TEKT5: variants seen among roughly 807,000 people sequenced by gnomAD.
TEKT5 encodes tektin 5.
A neutral mutation model predicts 48.7 loss-of-function variants in TEKT5; 52 were observed. That is an observed-to-expected ratio of 1.07 (90% CI 0.86 to 1.35). The LOEUF (loss-of-function observed/expected upper bound fraction) is 1.35. Among genes scored for constraint, TEKT5 ranks in the 40% most tolerant of loss-of-function variants. TEKT5 has a pLI of 0.00. For synonymous variants in TEKT5, 318 were observed against 267.6 expected (o/e 1.19, Z -1.84); for missense variants, 831 against 641.6 (o/e 1.30, Z -3.19).
At chr16:10,677,987 T>A (rs1266403677) in intron 4 of TEKT5, among the ~76,000 whole-genome samples, 4 of 152,172 alleles carry the variant, frequency 2.6e-5, no homozygotes, top group Non-Finnish European at 5.9e-5. Context: ...TTAGAGGTGG[T>A]GACACATGAG....
chr16:10,657,119 CTTT>C (rs57742183), intron 5 of TEKT5, among the ~76,000 whole-genome samples: 2 of 135,476 alleles, frequency 1.5e-5, no homozygotes, highest in Middle Eastern at 3.9e-3. Context: ...TTAGGTCTGC[CTTT>C]TTTTTTTTTT....
intron 5 of TEKT5, among the ~76,000 whole-genome samples, chr16:10,637,007 A>C (rs1199401955): frequency 1.6e-5 from 2 of 126,712 alleles, no homozygotes; most frequent in African/African-American, 6.6e-5. Flanking sequence ...TTTTTGACGG[A>C]GTCTCGCTCT....
At chr16:10,694,242 G>C in intron 1 of TEKT5, 68 bp downstream of exon 1, 1 of 1,470,286 alleles carries the variant, frequency 6.8e-7, no homozygotes, top group Non-Finnish European at 9.1e-7. Context: ...CTTCAGTCAA[G>C]GGAAGCAGAA....
In TEKT5 at chr16:10,652,864, CA is replaced by C. The variant is rs1567228465; in HGVS notation, c.1087-16947del. Among the ~76,000 whole-genome samples, 212 of 147,270 alleles carry C rather than the reference CA, an allele frequency of 1.4e-3. 4 individuals carry two copies. The highest frequency in any genetic ancestry group is 3.6e-3 in the Middle Eastern group (1 of 276). On this transcript the variant is annotated intron_variant, in intron 5 of 6. Transcript: ENST00000283025. ...ACACACACACACACACACACACACA[CA>C]CACACCCTCCAGGTCAGGTAGAGCG...
chr16:10,688,375 G>A (rs1052662236), intron 3 of TEKT5, among the ~76,000 whole-genome samples: 1 of 152,230 alleles, frequency 6.6e-6, no homozygotes, highest in African/African-American at 2.4e-5. Flanking sequence ...AGAGGAGGAG[G>A]TGGGTTCTGG....
chr16:10,665,893 T>C (rs912542966), intron 5 of TEKT5, among the ~76,000 whole-genome samples: 2 of 152,168 alleles, frequency 1.3e-5, no homozygotes, highest in African/African-American at 2.4e-5. Context: ...AACCCACAGA[T>C]AGCAGAGCCT....
At chr16:10,674,617 G>GAAAAAA (rs57583870) in intron 5 of TEKT5, among the ~76,000 whole-genome samples, 11 of 74,744 alleles carry the variant, frequency 1.5e-4, no homozygotes, top group African/African-American at 4.1e-4. Context: ...GATCATCTCA[G>GAAAAAA]AAAAAAAAAA....
intron 5 of TEKT5, among the ~76,000 whole-genome samples, chr16:10,641,542 T>G (rs1245506378): frequency 1.3e-5 from 2 of 152,188 alleles, no homozygotes; most frequent in East Asian, 3.9e-4. Context: ...CATAGAGGCC[T>G]GGCGTGGTAG....
intron 5 of TEKT5, among the ~76,000 whole-genome samples, chr16:10,636,593 C>T (rs1218648772): frequency 6.6e-6 from 1 of 151,524 alleles, no homozygotes; most frequent in African/African-American, 2.4e-5. Context: ...GAAGGCAGGC[C>T]TTTCAGATTG....
intron 2 of TEKT5, 74 bp downstream of exon 2, chr16:10,689,868 G>C: frequency 7.0e-7 from 1 of 1,434,826 alleles, no homozygotes; most frequent in Non-Finnish European, 9.7e-7. Context: ...CTGACAGGTA[G>C]CTCAGTAATT....
chr16:10,641,821 A>C (rs1441735776), intron 5 of TEKT5, among the ~76,000 whole-genome samples: 3 of 152,194 alleles, frequency 2.0e-5, no homozygotes, highest in Non-Finnish European at 2.9e-5. Flanking sequence ...GACACTGTCT[A>C]ATAAATAAAT....
chr16:10,690,199 A>G, intron 1 of TEKT5, 174 bp from the exon 2 acceptor site: 1 of 636,726 alleles, frequency 1.6e-6, no homozygotes, highest in South Asian at 2.0e-5. Context: ...TTCTCCCCGG[A>G]TGAGAGCTGT....
chr16:10,690,882 G>A lies in TEKT5; in HGVS notation c.565-857C>T, dbSNP rs1898961484. The A allele has an allele frequency of 3.6e-5, 27 of 742,190 alleles. No individual in the cohort carries two copies. The South Asian group carries it at 1.5e-3, about 42-fold the overall frequency. The allele number at this position is 742,190 out of a possible 1,614,324, so 46.0% of individuals were successfully genotyped here. On this transcript the variant is annotated intron_variant, in intron 1 of 6. Coordinates refer to ENST00000283025, the MANE Select transcript of TEKT5 (RefSeq NM_144674.2). ...GATGTCAGGATGCAAATGTATGTGA[G>A]AACTCAGAAATGGGAGGGGGTCACT...
intron 4 of TEKT5, among the ~76,000 whole-genome samples, chr16:10,677,094 G>A (rs908051054): frequency 1.3e-5 from 2 of 152,240 alleles, no homozygotes; most frequent in African/African-American, 2.4e-5. Context: ...GGGAGGCGGA[G>A]GTGGGAGGAT....
chr16:10,650,448 G>C (rs968730810), intron 5 of TEKT5, among the ~76,000 whole-genome samples: 2 of 152,056 alleles, frequency 1.3e-5, no homozygotes, highest in East Asian at 1.9e-4. Context: ...TCCAGAATTG[G>C]CTTCCCTAGA....
At position 10,689,343 on chromosome 16, in the gene TEKT5, A is replaced by G; in HGVS notation, c.649-20T>C. The G allele has an allele frequency of 6.2e-7, 1 of 1,602,720 alleles. No homozygotes were observed. The highest frequency in any genetic ancestry group is 8.5e-7 in the Non-Finnish European group (1 of 1,170,450). On this transcript the variant is annotated intron_variant, in intron 2 of 6. Transcript: ENST00000283025. ...CACTTCCTGAAATGAAAAATGTCAGAAAGAGCAGTGCCTCTTAGAACCTCA... is the reference window on the plus strand; with the variant it reads ...CACTTCCTGAAATGAAAAATGTCAGGAAGAGCAGTGCCTCTTAGAACCTCA...
At chr16:10,664,041 T>G (rs182392161) in intron 5 of TEKT5, among the ~76,000 whole-genome samples, 3 of 152,338 alleles carry the variant, frequency 2.0e-5, no homozygotes, top group Admixed American at 6.5e-5. Context: ...ACCAATATGC[T>G]CTTAAAAAAA....
chr16:10,684,588 G>C (rs1186616618), intron 3 of TEKT5, among the ~76,000 whole-genome samples: 1 of 152,076 alleles, frequency 6.6e-6, no homozygotes, highest in Non-Finnish European at 1.5e-5. Flanking sequence ...TGGAGAAATG[G>C]GGCCCTGTCC....
chr16:10,631,439 G>C (rs1897840444), intron 6 of TEKT5, among the ~76,000 whole-genome samples: 1 of 151,864 alleles, frequency 6.6e-6, no homozygotes, highest in Non-Finnish European at 1.5e-5. Context: ...GATGAGATTG[G>C]AAGGGGGCAA....
Sources: allele counts gnomAD v4.1 joint callset (sites outside exome capture counted in the v4.1 genomes callset), GRCh38; gene constraint gnomAD v4.1.1; transcripts MANE v1.5; gene names NCBI Gene and HGNC (gene_info 2026-07-23, HGNC 2026-07-21).